The following PRKCQ variants were observed in gnomAD, a reference collection of about 807,000 sequenced individuals.
PRKCQ encodes the protein protein kinase C theta type.
A neutral mutation model predicts 91.2 loss-of-function variants in PRKCQ; 41 were observed. The ratio of observed to expected loss-of-function variants is 0.45; its 90% CI spans 0.35 to 0.58. PRKCQ has a LOEUF of 0.58. Ranked by LOEUF, PRKCQ falls within the 20% of genes least tolerant of loss-of-function variation. PRKCQ has a pLI of 0.00. For missense variants in PRKCQ, 673 were observed against 896.5 expected (o/e 0.75, Z 3.18); for synonymous variants, 307 against 316.9 (o/e 0.97, Z 0.33).
chr10:6,401,114 G>A, the PRKCQ span, among the ~76,000 whole-genome samples: 1 of 152,152 alleles, frequency 6.6e-6, no homozygotes, highest in South Asian at 2.1e-4. Flanking sequence ...CCCTCTGAGT[G>A]GTGACCCCTC....
chr10:6,549,794 C>G (rs2080174776), intron 1 of PRKCQ, among the ~76,000 whole-genome samples: 1 of 151,842 alleles, frequency 6.6e-6, no homozygotes, highest in Admixed American at 6.5e-5. Flanking sequence ...CCATGCCCGG[C>G]TAATTTTTGT....
At chr10:6,450,608 C>A (rs967018859) in intron 15 of PRKCQ, among the ~76,000 whole-genome samples, 3 of 152,132 alleles carry the variant, frequency 2.0e-5, no homozygotes, top group African/African-American at 7.2e-5. Context: ...AATTCTCCAC[C>A]CCAAAGCAAC....
intron 1 of PRKCQ, among the ~76,000 whole-genome samples, chr10:6,524,757 G>A (rs1839136105): frequency 6.6e-6 from 1 of 152,082 alleles, no homozygotes. Flanking sequence ...GGGTGAGGAG[G>A]GAGGAGGGAG....
At chr10:6,522,212 G>A (rs1839040536) in intron 1 of PRKCQ, among the ~76,000 whole-genome samples, 1 of 152,158 alleles carries the variant, frequency 6.6e-6, no homozygotes, top group African/African-American at 2.4e-5. Flanking sequence ...AAAGTGCCGG[G>A]ATTACAAGAG....
rs757425359 is a variant in PRKCQ, at chr10:6,465,432, G to A, written c.1354-1028C>T. Among the ~76,000 whole-genome samples the A allele has an allele frequency of 1.6e-4, 25 of 152,250 alleles. No individual in the cohort carries two copies. Among genetic ancestry groups the A allele is most frequent in the Non-Finnish European group, 2.9e-4 (20 of 68,026 alleles). On this transcript the variant is annotated intron_variant, in intron 12 of 17. Coordinates refer to ENST00000263125, the MANE Select transcript of PRKCQ (RefSeq NM_006257.5). This position sits in a 1 kb window ranked among gnomAD's most constrained non-coding sequence, Gnocchi z 4.4. The stretch of plus-strand genomic sequence containing the variant: ...TGTGGTGGGCATATCAGCCAGGATT[G>A]TAACCAGCCTCAGCAACTCAATGAT...
chr10:6,469,331 G>C (rs192845364), intron 12 of PRKCQ, among the ~76,000 whole-genome samples: 6 of 152,314 alleles, frequency 3.9e-5, no homozygotes, highest in Non-Finnish European at 5.9e-5. Flanking sequence ...GCCATATCGG[G>C]AAAGTCTCCT....
intron 1 of PRKCQ, among the ~76,000 whole-genome samples, chr10:6,568,138 G>A (rs1840898768): frequency 6.6e-6 from 1 of 152,084 alleles, no homozygotes; most frequent in South Asian, 2.1e-4. Flanking sequence ...CTCAGGTGAG[G>A]CGAAGGGCGG....
chr10:6,501,412 G>A (rs946187262), intron 4 of PRKCQ, among the ~76,000 whole-genome samples: 1 of 152,098 alleles, frequency 6.6e-6, no homozygotes, highest in African/African-American at 2.4e-5. Context: ...GATAGAGCAG[G>A]ACTGCTGGGA....
chr10:6,566,977 T>C (rs2130967045), intron 1 of PRKCQ, among the ~76,000 whole-genome samples: 1 of 152,192 alleles, frequency 6.6e-6, no homozygotes, highest in Admixed American at 6.5e-5. Flanking sequence ...ATAAAATATA[T>C]TCCCTGGCTA....
chr10:6,576,246 T>C lies in PRKCQ; in HGVS notation c.-10+3965A>G, dbSNP rs55739286. The stretch of plus-strand genomic sequence containing the variant: ...AATTGAAAGCAGGACCTCAAACAGA[T>C]ATCTGCGTGTTCCTCTTCACGGCAG... On this transcript the variant is annotated intron_variant, in intron 1 of 17. Coordinates refer to ENST00000263125, the MANE Select transcript of PRKCQ (RefSeq NM_006257.5). The surrounding 1 kb of genome is among the most constrained non-coding windows in gnomAD (Gnocchi z 4.2). Among the ~76,000 whole-genome samples the C allele has an allele frequency of 0.071, 10,861 of 152,238 alleles. 469 individuals are homozygous for C. Among genetic ancestry groups the C allele is most frequent in the South Asian group, 0.15 (746 of 4,818 alleles).
intron 2 of PRKCQ, chr10:6,512,303 G>A (rs746624366): frequency 2.0e-5 from 3 of 152,224 alleles, no homozygotes; most frequent in Non-Finnish European, 4.4e-5. Context: ...CAGAGAGGTG[G>A]TGCTGATCTT....
In PRKCQ at chr10:6,465,451, C is replaced by A. The variant is rs1432727540; in HGVS notation, c.1354-1047G>T. On this transcript the variant is annotated intron_variant, in intron 12 of 17. Transcript: ENST00000263125. The surrounding 1 kb of genome is among the most constrained non-coding windows in gnomAD (Gnocchi z 4.4). ...AGGATTGTAACCAGCCTCAGCAACT[C>A]AATGATGTGAGACAATTTTTTTTTC... Among the ~76,000 whole-genome samples the A allele has an allele frequency of 1.3e-5, 2 of 152,128 alleles. No individual in the cohort carries two copies. The highest frequency in any genetic ancestry group is 4.8e-5 in the African/African-American group (2 of 41,410).
chr10:6,562,503 C>T (rs985002873), intron 1 of PRKCQ, among the ~76,000 whole-genome samples: 1 of 152,132 alleles, frequency 6.6e-6, no homozygotes, highest in Non-Finnish European at 1.5e-5. Flanking sequence ...TGAGTGTTCT[C>T]TCCATTACTA....
intron 3 of PRKCQ, among the ~76,000 whole-genome samples, chr10:6,510,338 A>G (rs751644600): frequency 2.0e-5 from 3 of 152,208 alleles, no homozygotes; most frequent in Non-Finnish European, 2.9e-5. Flanking sequence ...TGAATTGTGT[A>G]TGATGCACTT....
chr10:6,404,918 TTCCTTCCTCCC>T, the PRKCQ span, among the ~76,000 whole-genome samples: 4 of 133,334 alleles, frequency 3.0e-5, no homozygotes, highest in African/African-American at 1.1e-4. Context: ...TCCTCCCTCC[TTCCTTCCTCCC>T]TTCCCTTCCC....
intron 1 of PRKCQ, chr10:6,515,597 G>T (rs767209819): frequency 2.1e-5 from 17 of 814,664 alleles, no homozygotes; most frequent in Middle Eastern, 6.4e-4. Flanking sequence ...TTCTTACATG[G>T]TCTATTTATG....
intron 1 of PRKCQ, among the ~76,000 whole-genome samples, chr10:6,531,346 T>TAGAG (rs1839388872): frequency 6.6e-6 from 1 of 151,802 alleles, no homozygotes; most frequent in Admixed American, 6.6e-5. Flanking sequence ...GTTGCTCCTC[T>TAGAG]GAGCAACATT....
intron 4 of PRKCQ, among the ~76,000 whole-genome samples, chr10:6,500,705 AT>A (rs1210919195): frequency 1.3e-5 from 2 of 151,746 alleles, no homozygotes; most frequent in African/African-American, 4.9e-5. Flanking sequence ...GGTTTTTGCA[AT>A]TTTTTTTCTT....
intron 12 of PRKCQ, among the ~76,000 whole-genome samples, chr10:6,467,654 G>C (rs1479577534): frequency 6.6e-6 from 1 of 152,188 alleles, no homozygotes; most frequent in Non-Finnish European, 1.5e-5. Flanking sequence ...CAAAGCATCT[G>C]TCGAATGGAA....
Sources: gnomAD v4.1 joint callset for allele counts (sites outside exome capture counted in the v4.1 genomes callset) on GRCh38, gnomAD v4.1.1 for gene constraint, Gnocchi (gnomAD v3.1) non-coding constraint, MANE v1.5 for transcripts, NCBI Gene and HGNC (gene_info 2026-07-23, HGNC 2026-07-21) for gene names.